PCNX2: variants seen among roughly 807,000 people sequenced by gnomAD.
PCNX2 encodes pecanex 2.
Under a neutral mutation model 223.8 loss-of-function variants are expected in PCNX2, and 168 were observed. That is an observed-to-expected ratio of 0.75 (90% CI 0.66 to 0.85). PCNX2 has a LOEUF of 0.85. PCNX2 is among the 40% of genes least tolerant of loss of function. PCNX2 has a pLI of 0.00. For missense variants in PCNX2, 2,507 were observed against 2,675.5 expected, an observed-to-expected ratio of 0.94 and a Z score of 1.39; for synonymous variants, 1,006 against 1,052.6, an observed-to-expected ratio of 0.96 and a Z score of 0.86.
At chr1:233,170,604 T>C (rs573533296) in intron 17 of PCNX2, among the ~76,000 whole-genome samples, 1 of 152,208 alleles carries the variant, frequency 6.6e-6, no homozygotes, top group Non-Finnish European at 1.5e-5. Flanking sequence ...ATTTGAATCT[T>C]TTGTGTTGTT....
chr1:233,094,930 C>T (rs1674068924), intron 22 of PCNX2, among the ~76,000 whole-genome samples: 1 of 152,142 alleles, frequency 6.6e-6, no homozygotes, highest in Admixed American at 6.5e-5. Flanking sequence ...ATTAGTTCCT[C>T]CAGGGATTCT....
intron 13 of PCNX2, chr1:233,201,769 A>C (rs150817664): frequency 6.5e-6 from 1 of 153,852 alleles, no homozygotes; most frequent in East Asian, 1.9e-4. Flanking sequence ...ATTGGGAGCT[A>C]TTTGGTAAAT....
Position 232,999,133 on chromosome 1 carries a change from T to A in PCNX2, c.5575A>T (p.Arg1859Trp). The change falls in exon 31 of 34, where the codon AGG (arginine) becomes TGG (tryptophan). Residue 1859 changes from arginine to tryptophan, a missense_variant. This residue lies in a region of PCNX2 where 1,372 missense variants were observed against 1,509.4 expected (regional missense o/e 0.91). Transcript: ENST00000258229. ...ACCCACTTGGTCCAGAACCAGGTCC[T>A]AATTCTGTCCAAAGTGATGGGTCCA... is the stretch of plus-strand genomic sequence containing the variant. ...WGGPITLDRI[R>W]TWFWTKWVRM... 3.7e-6 allele frequency: 6 copies of A among 1,613,292 alleles called. No homozygotes were observed. Among genetic ancestry groups the A allele is most frequent in the Non-Finnish European group, 5.1e-6 (6 of 1,179,364 alleles).
In PCNX2 at chr1:233,227,240, C is replaced by T; in HGVS notation, c.2490G>A (p.Leu830=). Reference sequence around the variant, plus strand: ...CAGTGGCTTACCGATCAAGTAATGCCAGCAAGGTCAGTCGATCATACCAGA... The same window carrying T: ...CAGTGGCTTACCGATCAAGTAATGCTAGCAAGGTCAGTCGATCATACCAGA... ...IKVWYDRLTL[L]ALLDRTEDIK... is the part of the protein sequence containing the mutation. Residue 830 remains leucine (L), a synonymous_variant, in exon 10 of 34, where the codon CTG becomes CTA. Transcript: ENST00000258229. 1.2e-6 allele frequency: 2 copies of T among 1,612,390 alleles called. No individual in the cohort carries two copies. The highest frequency in any genetic ancestry group is 1.7e-6 in the Non-Finnish European group (2 of 1,179,120).
chr1:233,071,083 A>C (rs553789212), intron 23 of PCNX2, among the ~76,000 whole-genome samples: 2 of 152,316 alleles, frequency 1.3e-5, no homozygotes, highest in Non-Finnish European at 2.9e-5. Context: ...GCAACACTGT[A>C]CTTAATGGTG....
At chr1:233,250,976 T>A in intron 7 of PCNX2, 144 bp from the exon 8 acceptor site, 1 of 872,832 alleles carries the variant, frequency 1.1e-6, no homozygotes, top group Non-Finnish European at 1.7e-6. Context: ...TTCTTTATAT[T>A]TCTGCACAGA....
At chr1:233,205,492 G>A (rs943591333) in intron 13 of PCNX2, among the ~76,000 whole-genome samples, 4 of 152,076 alleles carry the variant, frequency 2.6e-5, no homozygotes, top group Admixed American at 6.5e-5. Context: ...TCAGGAGTTC[G>A]AAACTAGCCT....
At chr1:233,226,930 A>T (rs376773024) in intron 10 of PCNX2, among the ~76,000 whole-genome samples, 3 of 152,264 alleles carry the variant, frequency 2.0e-5, no homozygotes, top group African/African-American at 7.2e-5. Flanking sequence ...CAAACCTTAA[A>T]TACAAACCAT....
At chr1:233,058,886 C>T (rs901027661) in intron 23 of PCNX2, among the ~76,000 whole-genome samples, 2 of 151,974 alleles carry the variant, frequency 1.3e-5, no homozygotes, top group African/African-American at 4.8e-5. Flanking sequence ...GATGGTCTCG[C>T]TCTCTCGACC....
intron 26 of PCNX2, among the ~76,000 whole-genome samples, chr1:233,022,443 C>T (rs1422489725): frequency 2.6e-5 from 4 of 152,102 alleles, no homozygotes; most frequent in Non-Finnish European, 4.4e-5. Context: ...CCCGGGCTGT[C>T]AGCTGGTGAG....
At chr1:233,137,437 A>G (rs1487085899) in intron 20 of PCNX2, among the ~76,000 whole-genome samples, 1 of 152,152 alleles carries the variant, frequency 6.6e-6, no homozygotes, top group African/African-American at 2.4e-5. Context: ...AATTATCTTA[A>G]TTGTTTGTAT....
intron 1 of PCNX2, chr1:233,291,814 T>G (rs950363780): frequency 1.0e-6 from 1 of 984,908 alleles, no homozygotes; most frequent in Non-Finnish European, 1.2e-6. Flanking sequence ...CTCTCAAGAC[T>G]AACCATCTTT....
In PCNX2 at chr1:233,170,921, C is replaced by T. The variant is rs763388097; in HGVS notation, c.3273+6881G>A. ...CACAGACCAAAGTTAATGGTACGGG[C>T]TGAGCAGCCCTCATCCGAAAATCCG... On this transcript the variant is annotated intron_variant, in intron 17 of 33. Transcript: ENST00000258229. Among the ~76,000 whole-genome samples the T allele has an allele frequency of 2.0e-5, 3 of 152,212 alleles. No homozygotes were observed. In the East Asian group the frequency reaches 5.8e-4, roughly 29 times the overall value.
chr1:233,218,525 C>G (rs1185976406), intron 10 of PCNX2, among the ~76,000 whole-genome samples: 2 of 152,268 alleles, frequency 1.3e-5, no homozygotes, highest in East Asian at 3.9e-4. Flanking sequence ...GCTGGGATTA[C>G]AGGCGTGAGC....
intron 23 of PCNX2, among the ~76,000 whole-genome samples, chr1:233,068,923 G>A (rs1672732313): frequency 6.6e-6 from 1 of 152,032 alleles, no homozygotes. Flanking sequence ...GACCTACGCT[G>A]CCTACAAGAA....
At chr1:233,044,573 T>C (rs570037863) in intron 25 of PCNX2, among the ~76,000 whole-genome samples, 1 of 148,950 alleles carries the variant, frequency 6.7e-6, no homozygotes, top group East Asian at 2.0e-4. Context: ...ACTACAATCC[T>C]GTTTTCTTAC....
At chr1:233,120,082 T>C (rs1675681348) in intron 21 of PCNX2, among the ~76,000 whole-genome samples, 1 of 141,134 alleles carries the variant, frequency 7.1e-6, no homozygotes, top group Non-Finnish European at 1.5e-5. Context: ...CAAGAGAATC[T>C]CTTGAACCCG....
At chr1:233,309,110 CTTG>C in the PCNX2 span, among the ~76,000 whole-genome samples, 1 of 151,970 alleles carries the variant, frequency 6.6e-6, no homozygotes, top group Non-Finnish European at 1.5e-5. Context: ...AGCTCAAAAT[CTTG>C]TTATTAAATA....
chr1:233,072,136 T>C (rs1298681490), intron 23 of PCNX2, among the ~76,000 whole-genome samples: 2 of 152,250 alleles, frequency 1.3e-5, no homozygotes, highest in Non-Finnish European at 2.9e-5. Context: ...GTGCAGAAAC[T>C]CTTCAGTTTA....
Sources: gnomAD v4.1 joint callset for allele counts (sites outside exome capture counted in the v4.1 genomes callset) on GRCh38, gnomAD v4.1.1 for gene constraint, gnomAD v4.1.1 regional missense constraint, MANE v1.5 for transcripts, NCBI Gene and HGNC (gene_info 2026-07-23, HGNC 2026-07-21) for gene names.